Variants in ENTPD3 observed in about 807,000 individuals in gnomAD.
ENTPD3 encodes the protein CD39 antigen-like 3.
A neutral mutation model predicts 51.2 loss-of-function variants in ENTPD3; 60 were observed. The observed-to-expected ratio is 1.17, with a 90% CI of 0.95 to 1.45. The LOEUF is 1.45. Among genes scored for constraint, ENTPD3 ranks in the 40% most tolerant of loss-of-function variants. The pLI, the probability that ENTPD3 is intolerant of heterozygous loss-of-function variation, is 0.00. For missense variants in ENTPD3, 593 were observed against 641.1 expected (o/e 0.93, Z 0.81); for synonymous variants, 221 against 238.4 (o/e 0.93, Z 0.67).
chr3:40,424,114 A>G, intron 10 of ENTPD3, 151 bp downstream of exon 10: 1 of 1,470,224 alleles, frequency 6.8e-7, no homozygotes, highest in Non-Finnish European at 9.0e-7. Context: ...GTTTCCCAGA[A>G]GAGGTCATGG....
intron 3 of ENTPD3, among the ~76,000 whole-genome samples, chr3:40,398,456 G>C (rs1955262183): frequency 6.6e-6 from 1 of 152,098 alleles, no homozygotes; most frequent in East Asian, 1.9e-4. Flanking sequence ...GAATATAGAG[G>C]CCTGGACCTC....
rs1271278285 is a variant in ENTPD3, at chr3:40,400,877, T to G, written c.169-17T>G. The G allele has an allele frequency of 4.4e-6, 7 of 1,602,706 alleles. No homozygotes were observed. The highest frequency in any genetic ancestry group is 6.0e-6 in the Non-Finnish European group (7 of 1,169,948). On this transcript the variant is annotated splice_polypyrimidine_tract_variant and intron_variant, in intron 3 of 10. Transcript: ENST00000301825. ...GAGTCCCGCCCATTCTGACTCTCCC[T>G]TTCCCTTTTTATTCAGTATGGTATT...
intron 5 of ENTPD3, among the ~76,000 whole-genome samples, chr3:40,413,882 C>G (rs1955687254): frequency 6.6e-6 from 1 of 152,124 alleles, no homozygotes; most frequent in African/African-American, 2.4e-5. Context: ...TGGGAAAACT[C>G]TGAATTATTT....
In ENTPD3 at chr3:40,422,833, T is replaced by A; in HGVS notation, c.832-17T>A. The A allele has an allele frequency of 6.2e-7, 1 of 1,602,210 alleles. No homozygotes were observed. Among genetic ancestry groups the A allele is most frequent in the Non-Finnish European group, 8.5e-7 (1 of 1,176,734 alleles). On this transcript the variant is annotated splice_polypyrimidine_tract_variant and intron_variant, in intron 7 of 10. Transcript: ENST00000301825. ...CAATAAACATACGTGTCTAACACCT[T>A]ACTCTTATACCTACAGAATTCTCCT...
chr3:40,403,806 C>A (rs1322004509), intron 4 of ENTPD3, among the ~76,000 whole-genome samples: 4 of 151,970 alleles, frequency 2.6e-5, no homozygotes, highest in African/African-American at 9.7e-5. Flanking sequence ...ACATTGCCAC[C>A]ACATCTGGCT....
chr3:40,411,787 C>A, intron 4 of ENTPD3, 25 bp from the exon 5 acceptor site: 1 of 1,554,928 alleles, frequency 6.4e-7, no homozygotes, highest in Non-Finnish European at 8.7e-7. Context: ...GAAATGCTGA[C>A]AGATGCTGAC....
Position 40,411,667 on chromosome 3 carries a change from C to T in ENTPD3, c.287-145C>T, listed in dbSNP as rs890958868. 67 of 605,156 alleles carry T rather than the reference C, an allele frequency of 1.1e-4. No homozygotes were observed. The Admixed American group carries it at 2.3e-3, about 21-fold the overall frequency. 37.5% of individuals were successfully genotyped at this position (605,156 alleles called of 1,614,324 possible). On this transcript the variant is annotated intron_variant, in intron 4 of 10. Transcript: ENST00000301825. Reference sequence around the variant, plus strand: ...TTGCAAGTATACTGATCAGTGTGACCATACGGGACTTACCACATCCAGCTG... The same window carrying T: ...TTGCAAGTATACTGATCAGTGTGACTATACGGGACTTACCACATCCAGCTG...
chr3:40,390,818 G>A (rs532945208), intron 2 of ENTPD3: 1 of 152,208 alleles, frequency 6.6e-6, no homozygotes, highest in East Asian at 1.9e-4. Context: ...ATTACCCCAA[G>A]AAAGTGCCCA....
Position 40,422,902 on chromosome 3 carries a change from G to A in ENTPD3, c.884G>A (p.Ser295Asn). The A allele has an allele frequency of 4.3e-6, 7 of 1,613,914 alleles. No individual in the cohort carries two copies. The highest frequency in any genetic ancestry group is 1.3e-5 in the African/African-American group (1 of 75,014). ...LTNPCYPRDY[S>N]ISFTMGHVFD... ...AATCCCTGTTACCCTCGGGATTATAGCATCAGCTTCACCATGGGCCATGTA... is the reference window on the plus strand; with the variant it reads ...AATCCCTGTTACCCTCGGGATTATAACATCAGCTTCACCATGGGCCATGTA... Residue 295 changes from serine (S) to asparagine (N), a missense_variant, in exon 8 of 11, where the codon AGC (serine) becomes AAC (asparagine). Coordinates refer to ENST00000301825, the MANE Select transcript of ENTPD3 (RefSeq NM_001248.4).
chr3:40,425,377 T>C (rs1333144555), intron 10 of ENTPD3, among the ~76,000 whole-genome samples: 2 of 151,730 alleles, frequency 1.3e-5, no homozygotes, highest in Non-Finnish European at 2.9e-5. Flanking sequence ...GATCACGCCA[T>C]TGCACTCCAG....
intron 7 of ENTPD3, 146 bp downstream of exon 7, chr3:40,416,219 G>A (rs1559516276): frequency 3.2e-6 from 2 of 621,216 alleles, no homozygotes; most frequent in Non-Finnish European, 5.7e-6. Flanking sequence ...ACTCCTGGGG[G>A]TCCAAGTCCC....
At chr3:40,420,265 T>C (rs1317008399) in intron 7 of ENTPD3, among the ~76,000 whole-genome samples, 3 of 126,246 alleles carry the variant, frequency 2.4e-5, no homozygotes, top group Non-Finnish European at 5.8e-5. Context: ...AGATGGAGTC[T>C]TGCTCTGTCA....
At chr3:40,413,014 G>A (rs1229856292) in intron 5 of ENTPD3, among the ~76,000 whole-genome samples, 1 of 152,150 alleles carries the variant, frequency 6.6e-6, no homozygotes, top group Non-Finnish European at 1.5e-5. Flanking sequence ...CTTCCAAAAA[G>A]GATGGAACTG....
chr3:40,424,738 C>T (rs767162919), intron 10 of ENTPD3: 2 of 702,004 alleles, frequency 2.8e-6, no homozygotes, highest in South Asian at 3.0e-5. Flanking sequence ...ACTATGTTCC[C>T]CAGGTTCCAG....
At chr3:40,424,704 G>A in intron 10 of ENTPD3, 1 of 701,144 alleles carries the variant, frequency 1.4e-6, no homozygotes, top group Non-Finnish European at 2.6e-6. Context: ...GCAGGGCTAA[G>A]CCTTGTGAAT....
intron 4 of ENTPD3, 59 bp from the exon 5 acceptor site, chr3:40,411,753 T>C (rs959072291): frequency 9.4e-6 from 14 of 1,496,854 alleles, no homozygotes; most frequent in Middle Eastern, 1.8e-4. Context: ...TATTTAAAAG[T>C]TGTATCACTG....
At chr3:40,426,766 T>C (rs1476046343) in intron 10 of ENTPD3, among the ~76,000 whole-genome samples, 1 of 152,200 alleles carries the variant, frequency 6.6e-6, no homozygotes, top group Admixed American at 6.5e-5. Flanking sequence ...AACATAATGA[T>C]AAAATGTTCA....
chr3:40,418,384 A>G (rs1237937102), intron 7 of ENTPD3, among the ~76,000 whole-genome samples: 1 of 152,222 alleles, frequency 6.6e-6, no homozygotes, highest in Non-Finnish European at 1.5e-5. Flanking sequence ...ATTGCATTGT[A>G]AACACTGACT....
intron 7 of ENTPD3, 70 bp from the exon 8 acceptor site, chr3:40,422,780 C>G (rs1003618201): frequency 6.4e-6 from 9 of 1,408,820 alleles, no homozygotes; most frequent in South Asian, 4.0e-5. Flanking sequence ...GGGTTGATTC[C>G]AAGTCTTTGC....
Sources: gnomAD v4.1 joint callset for allele counts (sites outside exome capture counted in the v4.1 genomes callset) on GRCh38, gnomAD v4.1.1 for gene constraint, MANE v1.5 for transcripts, NCBI Gene and HGNC (gene_info 2026-07-23, HGNC 2026-07-21) for gene names.